Variants in LYZL2 observed in about 807,000 individuals in gnomAD.
LYZL2 encodes lysozyme-like protein 2.
Under a neutral mutation model 17.1 loss-of-function variants are expected in LYZL2, and 13 were observed. The ratio of observed to expected loss-of-function variants is 0.76; its 90% confidence interval spans 0.49 to 1.21. The LOEUF (loss-of-function observed/expected upper bound fraction) is 1.21, where lower values mean the gene tolerates loss of function less well. Among genes scored for constraint, LYZL2 ranks in the 50% most tolerant of loss-of-function variants. The pLI is 0.00. For missense variants in LYZL2, 166 were observed against 189.2 expected (o/e 0.88, Z 0.72); for synonymous variants, 63 against 74.4 (o/e 0.85, Z 0.79).
chr10:30,607,718 T>C (rs556661013), downstream of LYZL2, among the ~76,000 whole-genome samples: 14 of 151,906 alleles, frequency 9.2e-5, no homozygotes, highest in African/African-American at 2.2e-4. Flanking sequence ...CACCCAGGAT[T>C]CCTCCCAGAT....
intron 3 of LYZL2, among the ~76,000 whole-genome samples, chr10:30,622,036 G>T (rs1038807771): frequency 6.6e-6 from 1 of 152,052 alleles, no homozygotes; most frequent in Non-Finnish European, 1.5e-5. Flanking sequence ...CATATGAAGT[G>T]GTGTGTTACT....
chr10:30,626,839 T>G lies in LYZL2; in HGVS notation c.77A>C (p.Lys26Thr). ...GAESKIYTRC[K>T]LAKIFSRAGL... ...AGCCCTCGAGAATATTTTTGCCAGT[T>G]TGCAACGAGTGTAGATTTTGGACTC... Residue 26 changes from lysine (K) to threonine (T), a missense_variant, in exon 2 of 5, where the codon AAA becomes ACA. Lys to Thr is a moderately conservative substitution (Grantham distance 78). Around this residue, in one of 2 missense-constraint regions of LYZL2, gnomAD observed 32 missense variants for 59.8 expected, o/e 0.53. Transcript: ENST00000647634. 3 of 1,614,222 alleles carry G rather than the reference T, an allele frequency of 1.9e-6. No individual in the cohort carries two copies. The highest frequency in any genetic ancestry group is 1.7e-6 in the Non-Finnish European group (2 of 1,180,034).
Position 30,626,776 on chromosome 10 carries a change from C to G in LYZL2, c.139+1G>C, listed in dbSNP as rs1315013960. ...AGAGAGCAGGAAAGAAATAATCTCA[C>G]AGTTTCCAAGGCTGAAGCCCCAGTA... is the stretch of plus-strand genomic sequence containing the variant. On this transcript the variant is annotated splice_donor_variant, in intron 2 of 4. Coordinates refer to ENST00000647634, the MANE Select transcript of LYZL2 (RefSeq NM_183058.3). LOFTEE classifies it high-confidence loss of function. The G allele has an allele frequency of 4.3e-6, 7 of 1,614,064 alleles. No homozygotes were observed. The highest frequency in any genetic ancestry group is 5.9e-6 in the Non-Finnish European group (7 of 1,180,058).
intron 4 of LYZL2, 78 bp from the exon 5 acceptor site, chr10:30,612,102 A>C (rs1838455830): frequency 6.5e-7 from 1 of 1,543,038 alleles, no homozygotes; most frequent in Admixed American, 1.9e-5. Flanking sequence ...GTCTACAGAA[A>C]TTAACCAAAA....
chr10:30,620,462 T>C (rs1196752644), intron 3 of LYZL2, among the ~76,000 whole-genome samples: 1 of 152,258 alleles, frequency 6.6e-6, no homozygotes, highest in East Asian at 1.9e-4. Flanking sequence ...ACTTTCAAAA[T>C]AGTCTTTTTC....
intron 3 of LYZL2, among the ~76,000 whole-genome samples, chr10:30,613,521 A>G (rs924188681): frequency 1.3e-5 from 2 of 151,126 alleles, no homozygotes; most frequent in Non-Finnish European, 2.9e-5. Context: ...AAAGGCACAT[A>G]AGACAGGATA....
chr10:30,615,169 A>C (rs968587598), intron 3 of LYZL2, among the ~76,000 whole-genome samples: 14 of 152,262 alleles, frequency 9.2e-5, no homozygotes, highest in African/African-American at 3.4e-4. Flanking sequence ...ATGGATAAAA[A>C]TATGTTTATA....
rs773393660 is a variant in LYZL2, at chr10:30,612,879, G to A, written c.320C>T (p.Thr107Ile). 6.8e-6 allele frequency: 11 copies of A among 1,613,914 alleles called. No homozygotes were observed. The highest frequency in any genetic ancestry group is 6.7e-5 in the Admixed American group (4 of 60,026). Reference sequence around the variant, plus strand: ...TTTCTTGGCACAGATAATCGCATCTGTGAGGTCATCAGTGACCAAGGCTGT... The same window carrying A: ...TTTCTTGGCACAGATAATCGCATCTATGAGGTCATCAGTGACCAAGGCTGT... ...ACSALVTDDL[T>I]DAIICAKKIV... The change falls in exon 4 of 5, where the codon ACA (threonine) becomes ATA (isoleucine). Residue 107 changes from threonine to isoleucine, a missense_variant. By Grantham distance (89) the Thr-to-Ile change is moderately conservative. This residue lies in a region of LYZL2 where 134 missense variants were observed against 129.4 expected (regional missense o/e 1.04). Coordinates refer to ENST00000647634, the MANE Select transcript of LYZL2 (RefSeq NM_183058.3).
intron 3 of LYZL2, 73 bp from the exon 4 acceptor site, chr10:30,612,973 C>A (rs1838468717): frequency 3.5e-6 from 4 of 1,159,044 alleles, no homozygotes; most frequent in Non-Finnish European, 5.1e-6. Context: ...AAGTTTACTT[C>A]ATTTTTCTCA....
chr10:30,609,127 T>C (rs954074860), downstream of LYZL2, among the ~76,000 whole-genome samples: 1 of 152,232 alleles, frequency 6.6e-6, no homozygotes, highest in African/African-American at 2.4e-5. Context: ...GCTTGAGTCA[T>C]TGTGCCTGGC....
At chr10:30,608,168 C>G (rs1186229115), downstream of LYZL2, among the ~76,000 whole-genome samples, 1 of 152,212 alleles carries the variant, frequency 6.6e-6, no homozygotes, top group Non-Finnish European at 1.5e-5. Context: ...GTCTCCAAAT[C>G]CTGGGCTCAA....
At position 30,623,595 on chromosome 10, in the gene LYZL2, G is replaced by A. The variant is rs114721053; in HGVS notation, c.298+2510C>T. On this transcript the variant is annotated intron_variant, in intron 3 of 4. Coordinates refer to ENST00000647634, the MANE Select transcript of LYZL2 (RefSeq NM_183058.3). ...AGGTGTGAACTCTACTGTGAACTGCGCTTGCAAGGGATTTAGGTTACATTC... is the reference window on the plus strand; with the variant it reads ...AGGTGTGAACTCTACTGTGAACTGCACTTGCAAGGGATTTAGGTTACATTC... Among the ~76,000 whole-genome samples the A allele has an allele frequency of 4.4e-3, 675 of 152,208 alleles. 7 individuals are homozygous for A. The highest frequency in any genetic ancestry group is 0.016 in the African/African-American group (650 of 41,522).
At chr10:30,607,382 G>A (rs1838389666), downstream of LYZL2, among the ~76,000 whole-genome samples, 2 of 151,970 alleles carry the variant, frequency 1.3e-5, no homozygotes, top group African/African-American at 4.8e-5. Context: ...GGTAAAAAAT[G>A]TGCAAACTGC....
At chr10:30,621,430 T>C (rs1039874069) in intron 3 of LYZL2, among the ~76,000 whole-genome samples, 1 of 147,038 alleles carries the variant, frequency 6.8e-6, no homozygotes, top group Non-Finnish European at 1.5e-5. Flanking sequence ...TTTTTTTTTT[T>C]TAAATCAGCC....
intron 3 of LYZL2, among the ~76,000 whole-genome samples, chr10:30,617,530 C>A (rs920759278): frequency 4.0e-5 from 6 of 151,836 alleles, no homozygotes; most frequent in Non-Finnish European, 8.8e-5. Flanking sequence ...CAAAAGTTAG[C>A]TGGCTGTGGT....
At chr10:30,611,733 AAAGG>A, downstream of LYZL2, 1 of 533,688 alleles carries the variant, frequency 1.9e-6, no homozygotes, top group South Asian at 3.5e-5. Flanking sequence ...AAAAGAAAAG[AAAGG>A]AAAGAAAGAA....
At chr10:30,627,668 T>C (rs542692524) in intron 1 of LYZL2, among the ~76,000 whole-genome samples, 21 of 152,290 alleles carry the variant, frequency 1.4e-4, no homozygotes, top group East Asian at 7.7e-4. Context: ...TTCATGTTAT[T>C]GGTAAGGCTT....
At chr10:30,626,021 T>C in intron 3 of LYZL2, 84 bp downstream of exon 3, 1 of 1,538,382 alleles carries the variant, frequency 6.5e-7, no homozygotes. Context: ...AAATTTTAGT[T>C]AAAGCAAGAC....
intron 3 of LYZL2, among the ~76,000 whole-genome samples, chr10:30,614,527 T>C (rs377341): frequency 0.018 from 2,708 of 152,344 alleles, 33 homozygotes; most frequent in East Asian, 0.027. Context: ...GGGGGCAGCA[T>C]GTCTTCCCTT....
Sources: allele counts gnomAD v4.1 joint callset (sites outside exome capture counted in the v4.1 genomes callset), GRCh38; gene constraint gnomAD v4.1.1; regional missense constraint gnomAD v4.1.1; transcripts MANE v1.5; gene names NCBI Gene and HGNC (gene_info 2026-07-23, HGNC 2026-07-21).